The following NUBPL variants were observed in gnomAD, a reference collection of about 807,000 sequenced individuals.
NUBPL encodes iron-sulfur cluster transfer protein NUBPL.
NUBPL carries 31 observed loss-of-function variants against 45.7 expected under a neutral mutation model. That is an observed-to-expected ratio of 0.68 (90% confidence interval 0.51 to 0.92). The LOEUF is 0.92. Ranked by LOEUF, NUBPL falls within the 40% of genes least tolerant of loss-of-function variation. The pLI is 0.00. For missense variants in NUBPL, 401 were observed against 398.7 expected (o/e 1.01, Z -0.05); for synonymous variants, 144 against 140.9 (o/e 1.02, Z -0.15).
chr14:31,858,965 A>G (rs914582534), intron 10 of NUBPL, among the ~76,000 whole-genome samples, 153 bp from the exon 11 acceptor site: 2 of 152,188 alleles, frequency 1.3e-5, no homozygotes, highest in South Asian at 2.1e-4. Context: ...GCCGCCTGCA[A>G]TATATACAGC....
chr14:31,822,253 T>C (rs1367336541), intron 7 of NUBPL, among the ~76,000 whole-genome samples: 3 of 152,148 alleles, frequency 2.0e-5, no homozygotes, highest in Non-Finnish European at 4.4e-5. Flanking sequence ...TTACATGATG[T>C]GGTTATTACA....
intron 6 of NUBPL, among the ~76,000 whole-genome samples, chr14:31,768,890 G>A (rs954350051): frequency 2.6e-5 from 4 of 152,040 alleles, no homozygotes; most frequent in Non-Finnish European, 4.4e-5. Context: ...GAGTCCTGCC[G>A]ACTTATGCCA....
At chr14:31,660,745 T>C (rs1348440386) in intron 4 of NUBPL, among the ~76,000 whole-genome samples, 1 of 152,184 alleles carries the variant, frequency 6.6e-6, no homozygotes, top group Non-Finnish European at 1.5e-5. Flanking sequence ...AACCATGGTG[T>C]TCAGCTACAT....
At chr14:31,776,444 T>C (rs1157845243) in intron 6 of NUBPL, among the ~76,000 whole-genome samples, 2 of 152,308 alleles carry the variant, frequency 1.3e-5, no homozygotes, top group Non-Finnish European at 2.9e-5. Context: ...GAAAGGTTTA[T>C]TGCAAGTCGA....
Position 31,860,029 on chromosome 14 carries a change from G to A in NUBPL, c.*849G>A, listed in dbSNP as rs575971569. On this transcript the variant is annotated 3_prime_UTR_variant, in exon 11 of 11. Transcript: ENST00000281081. ...ATTAAAAAAAGTCGGTGGTGGCTAG[G>A]CGTGGTGGCTCACGCCTGTAATCCC... is the stretch of plus-strand genomic sequence containing the variant. The A allele has an allele frequency of 2.0e-5, 3 of 152,188 alleles. No individual in the cohort carries two copies. The East Asian group carries it at 5.8e-4, about 30-fold the overall frequency. The allele number at this position is 152,188 out of a possible 1,614,324, so 9.4% of individuals were successfully genotyped here. A position where few individuals can be genotyped will look rare whatever the true frequency, so the allele number is the denominator to read the frequency against.
At chr14:31,713,150 G>T (rs148934574) in intron 6 of NUBPL, among the ~76,000 whole-genome samples, 3 of 152,168 alleles carry the variant, frequency 2.0e-5, no homozygotes, top group Non-Finnish European at 4.4e-5. Flanking sequence ...GACCAGAAGG[G>T]TCAATTTCTA....
chr14:31,789,865 A>T (rs2039347029), intron 7 of NUBPL, among the ~76,000 whole-genome samples: 1 of 151,228 alleles, frequency 6.6e-6, no homozygotes, highest in African/African-American at 2.4e-5. Context: ...GAGTAAAATG[A>T]TATATGAAAA....
At chr14:31,589,278 G>A (rs534860147) in intron 3 of NUBPL, among the ~76,000 whole-genome samples, 1 of 151,952 alleles carries the variant, frequency 6.6e-6, no homozygotes, top group Non-Finnish European at 1.5e-5. Context: ...TAATTTGATA[G>A]AGTTGTATAA....
chr14:31,728,828 A>G (rs2139970134), intron 6 of NUBPL, among the ~76,000 whole-genome samples: 1 of 152,330 alleles, frequency 6.6e-6, no homozygotes, highest in Middle Eastern at 3.4e-3. Flanking sequence ...TGAAAGCCAA[A>G]GTTATTATCT....
At chr14:31,829,187 T>TTG (rs532625123) in intron 8 of NUBPL, among the ~76,000 whole-genome samples, 2 of 152,186 alleles carry the variant, frequency 1.3e-5, no homozygotes, top group Non-Finnish European at 2.9e-5. Context: ...TGGAACTGTG[T>TTG]AATTCTTCCA....
At chr14:31,614,823 A>G (rs1368271925) in intron 4 of NUBPL, among the ~76,000 whole-genome samples, 7 of 152,224 alleles carry the variant, frequency 4.6e-5, no homozygotes, top group Non-Finnish European at 8.8e-5. Context: ...TATAAGCATC[A>G]GTACATGCTG....
rs535837955 is a variant in NUBPL, at chr14:31,668,356, C to T, written c.383-4999C>T. Among the ~76,000 whole-genome samples, 12 of 152,296 alleles carry T rather than the reference C, an allele frequency of 7.9e-5. No individual in the cohort carries two copies. In the South Asian group the frequency reaches 1.2e-3, roughly 16 times the overall value. On this transcript the variant is annotated intron_variant, in intron 4 of 10. Transcript: ENST00000281081. The stretch of plus-strand genomic sequence containing the variant: ...GAACTTCCTGGTGGCTTCCTTAATA[C>T]GGTGAGGGGAAAACCACCTACTCTA...
At chr14:31,661,676 G>T (rs987648910) in intron 4 of NUBPL, among the ~76,000 whole-genome samples, 3 of 152,046 alleles carry the variant, frequency 2.0e-5, no homozygotes, top group African/African-American at 7.2e-5. Context: ...GAGTAGCTGG[G>T]ACTATAGGCG....
chr14:31,753,693 C>G (rs1486540561), intron 6 of NUBPL, among the ~76,000 whole-genome samples: 2 of 152,084 alleles, frequency 1.3e-5, no homozygotes, highest in African/African-American at 4.8e-5. Context: ...TTATCTGGAG[C>G]AGAGCAGCTG....
chr14:31,752,249 A>G (rs376224541), intron 6 of NUBPL, among the ~76,000 whole-genome samples: 2 of 152,326 alleles, frequency 1.3e-5, no homozygotes, highest in South Asian at 2.1e-4. Flanking sequence ...ATCAAACTGC[A>G]AATTTTCTAA....
chr14:31,774,469 A>C (rs74043619), intron 6 of NUBPL, among the ~76,000 whole-genome samples: 7,464 of 152,306 alleles, frequency 0.049, 241 homozygotes, highest in African/African-American at 0.071. Flanking sequence ...AGAATCTTTC[A>C]GAGTGAGACC....
intron 6 of NUBPL, among the ~76,000 whole-genome samples, chr14:31,730,987 TA>T (rs1278550943): frequency 1.3e-5 from 2 of 151,978 alleles, no homozygotes. Context: ...ACGATAGAAA[TA>T]GACTCAGTGA....
chr14:31,601,582 A>T (rs1453419405), intron 4 of NUBPL, among the ~76,000 whole-genome samples: 2 of 152,242 alleles, frequency 1.3e-5, no homozygotes, highest in Non-Finnish European at 2.9e-5. Context: ...GGCGAAGGAC[A>T]TGAACAGACA....
At chr14:31,841,919 T>TTTGTTTTTTTTTTTG (rs1202169966) in intron 8 of NUBPL, among the ~76,000 whole-genome samples, 1 of 87,078 alleles carries the variant, frequency 1.1e-5, no homozygotes, top group Non-Finnish European at 2.3e-5. Context: ...ATTCTGGGCT[T>TTTGTTTTTTTTTTTG]TTTTTTTTTT....
Sources: allele counts gnomAD v4.1 joint callset (sites outside exome capture counted in the v4.1 genomes callset), GRCh38; gene constraint gnomAD v4.1.1; transcripts MANE v1.5; gene names NCBI Gene and HGNC (gene_info 2026-07-23, HGNC 2026-07-21).